Variants in CPA6 observed in about 807,000 individuals in gnomAD.
CPA6 encodes the protein carboxypeptidase A6, also known as carboxypeptidase B.
Under a neutral mutation model 63.3 loss-of-function variants are expected in CPA6, and 58 were observed. That is an observed-to-expected ratio of 0.92 (90% CI 0.74 to 1.14). CPA6 has a LOEUF of 1.14. Among genes scored for constraint, CPA6 ranks in the 50% most tolerant of loss-of-function variants. CPA6 has a pLI of 0.00. For missense variants in CPA6, 565 were observed against 526.6 expected, an observed-to-expected ratio of 1.07 and a Z score of -0.71; for synonymous variants, 185 against 179.0, an observed-to-expected ratio of 1.03 and a Z score of -0.27.
At chr8:67,438,710 G>C (rs184250044) in intron 8 of CPA6, among the ~76,000 whole-genome samples, 1 of 151,992 alleles carries the variant, frequency 6.6e-6, no homozygotes, top group Non-Finnish European at 1.5e-5. Flanking sequence ...TATCCAAAGT[G>C]GGGGGGCGAA....
chr8:67,485,712 T>C (rs1444255639), intron 6 of CPA6, among the ~76,000 whole-genome samples: 2 of 152,198 alleles, frequency 1.3e-5, no homozygotes, highest in Non-Finnish European at 2.9e-5. Context: ...TTATAACATA[T>C]AGCCAGGAAT....
chr8:67,596,804 T>G (rs1319735366), intron 2 of CPA6, among the ~76,000 whole-genome samples: 1 of 152,218 alleles, frequency 6.6e-6, no homozygotes, highest in Non-Finnish European at 1.5e-5. Context: ...AAACAGTGCC[T>G]TAGTCTTTGT....
chr8:67,675,952 G>C (rs1347317668), intron 1 of CPA6, among the ~76,000 whole-genome samples: 1 of 152,164 alleles, frequency 6.6e-6, no homozygotes, highest in African/African-American at 2.4e-5. Flanking sequence ...TTGGACTAAA[G>C]CCATCCTCTA....
chr8:67,516,174 T>C (rs556173325), intron 3 of CPA6, among the ~76,000 whole-genome samples: 1 of 152,324 alleles, frequency 6.6e-6, no homozygotes, highest in Non-Finnish European at 1.5e-5. Flanking sequence ...CCAGTTTTTC[T>C]CTTGGTAATA....
At chr8:67,462,483 C>T (rs1195331499) in intron 8 of CPA6, among the ~76,000 whole-genome samples, 1 of 152,156 alleles carries the variant, frequency 6.6e-6, no homozygotes, top group African/African-American at 2.4e-5. Flanking sequence ...ATCCTTGTAC[C>T]TATATTATTT....
At chr8:67,623,417 T>C (rs1396034853) in intron 2 of CPA6, among the ~76,000 whole-genome samples, 3 of 152,126 alleles carry the variant, frequency 2.0e-5, no homozygotes, top group Admixed American at 6.5e-5. Context: ...TTTTCTTTTT[T>C]TTTTTCTTGA....
chr8:67,451,288 C>T (rs1438532560), intron 8 of CPA6, among the ~76,000 whole-genome samples: 1 of 152,180 alleles, frequency 6.6e-6, no homozygotes. Context: ...ACTAGGTGAG[C>T]TCTGCCTCCT....
intron 5 of CPA6, 82 bp downstream of exon 5, chr8:67,509,435 T>C: frequency 1.5e-6 from 1 of 666,800 alleles, no homozygotes; most frequent in African/African-American, 1.9e-5. Context: ...GATCATTTCA[T>C]TTCTTTTCCC....
At chr8:67,645,587 T>C (rs937098032) in intron 1 of CPA6, among the ~76,000 whole-genome samples, 1 of 152,220 alleles carries the variant, frequency 6.6e-6, no homozygotes, top group Non-Finnish European at 1.5e-5. Flanking sequence ...ACTAGTATAA[T>C]AATGAAGTTT....
intron 1 of CPA6, among the ~76,000 whole-genome samples, chr8:67,685,631 T>A (rs1210893285): frequency 1.3e-5 from 2 of 151,878 alleles, no homozygotes; most frequent in Admixed American, 6.6e-5. Flanking sequence ...AAAATAAAAA[T>A]AAAAAATAAA....
intron 1 of CPA6, among the ~76,000 whole-genome samples, chr8:67,689,727 G>A (rs547452840): frequency 1.7e-4 from 26 of 152,234 alleles, no homozygotes; most frequent in African/African-American, 3.4e-4. Context: ...ATAGTGCTGC[G>A]ATGAACATAC....
intron 9 of CPA6, among the ~76,000 whole-genome samples, chr8:67,433,553 CT>C (rs1414954238): frequency 6.6e-6 from 1 of 152,170 alleles, no homozygotes; most frequent in Admixed American, 6.5e-5. Flanking sequence ...TTAAAACCTG[CT>C]TTTAATTAAT....
intron 3 of CPA6, among the ~76,000 whole-genome samples, chr8:67,516,820 C>G (rs535243858): frequency 4.9e-4 from 74 of 152,126 alleles, no homozygotes; most frequent in African/African-American, 1.7e-3. Flanking sequence ...ACAGTGCAGA[C>G]AGCCTGCACT....
chr8:67,614,055 AT>A (rs1814878334), intron 2 of CPA6, among the ~76,000 whole-genome samples: 2 of 151,878 alleles, frequency 1.3e-5, no homozygotes, highest in Non-Finnish European at 2.9e-5. Context: ...GTGTGACCCA[AT>A]TTTTCTGGGA....
intron 8 of CPA6, among the ~76,000 whole-genome samples, chr8:67,473,144 G>A (rs1811101379): frequency 6.6e-6 from 1 of 152,154 alleles, no homozygotes; most frequent in South Asian, 2.1e-4. Flanking sequence ...CTCTGAATAG[G>A]AAGAGAAGAA....
chr8:67,543,219 C>A (rs990683913), intron 2 of CPA6, among the ~76,000 whole-genome samples: 14 of 152,156 alleles, frequency 9.2e-5, no homozygotes, highest in African/African-American at 3.4e-4. Context: ...TATTCTCAAG[C>A]AAAATAGAAA....
chr8:67,461,810 G>C (rs1207480782), intron 8 of CPA6, among the ~76,000 whole-genome samples: 1 of 152,102 alleles, frequency 6.6e-6, no homozygotes, highest in Admixed American at 6.6e-5. Context: ...GGCTGGCCGG[G>C]CGGGGGGCTG....
chr8:67,701,059 A>C (rs1203680244), intron 1 of CPA6, among the ~76,000 whole-genome samples: 1 of 152,188 alleles, frequency 6.6e-6, no homozygotes, highest in Non-Finnish European at 1.5e-5. Context: ...ACTTAGGGGC[A>C]AAGTACATCC....
At chr8:67,503,029 CTATT>C (rs546347296) in intron 6 of CPA6, among the ~76,000 whole-genome samples, 2 of 151,816 alleles carry the variant, frequency 1.3e-5, no homozygotes, top group Non-Finnish European at 2.9e-5. Context: ...TTTTTAATTT[CTATT>C]TATTTATTTA....
Sources: allele counts gnomAD v4.1 joint callset (sites outside exome capture counted in the v4.1 genomes callset), GRCh38; gene constraint gnomAD v4.1.1; transcripts MANE v1.5; gene names NCBI Gene and HGNC (gene_info 2026-07-23, HGNC 2026-07-21).